Variants in ABLIM1 observed in about 807,000 individuals in gnomAD.
ABLIM1 encodes actin binding LIM protein 1, also known as actin-binding LIM protein 1.
Under a neutral mutation model 107.0 loss-of-function variants are expected in ABLIM1, and 40 were observed. The observed-to-expected ratio is 0.37, with a 90% confidence interval of 0.29 to 0.49. ABLIM1 has a LOEUF of 0.49. Among genes scored for constraint, ABLIM1 ranks in the 20% least tolerant of loss-of-function variants. The probability of loss-of-function intolerance (pLI) is 0.97; values close to 1 mark genes in which losing one functional copy is unlikely to be tolerated. For synonymous variants in ABLIM1, 357 were observed against 357.3 expected (o/e 1.00, Z 0.01); for missense variants, 857 against 1,008.5 (o/e 0.85, Z 2.04).
intron 6 of ABLIM1, among the ~76,000 whole-genome samples, chr10:114,539,718 T>A (rs2066429639): frequency 6.6e-6 from 1 of 152,204 alleles, no homozygotes; most frequent in Admixed American, 6.5e-5. Context: ...CTGGAAAGGA[T>A]GTCTGCTGGA....
At chr10:114,689,563 T>G (rs2081027207), upstream of ABLIM1, among the ~76,000 whole-genome samples, 1 of 152,030 alleles carries the variant, frequency 6.6e-6, no homozygotes, top group Admixed American at 6.6e-5. Context: ...GGTTTCGCCA[T>G]GTTAGCCAGG....
chr10:114,702,369 G>A (rs896171416), intron 1 of ABLIM1, among the ~76,000 whole-genome samples: 4 of 152,046 alleles, frequency 2.6e-5, no homozygotes, highest in Admixed American at 2.6e-4. Flanking sequence ...ATACAAATCT[G>A]GAGAAGATCA....
rs58418721 is a variant in ABLIM1, at chr10:114,434,280, A to AACACACACACACACACAC, written c.*1962_*1979dup. 4 of 138,902 alleles carry AACACACACACACACACAC rather than the reference A, an allele frequency of 2.9e-5. No homozygotes were observed. The highest frequency in any genetic ancestry group is 2.5e-4 in the South Asian group (1 of 3,976). The allele number at this position is 138,902 out of a possible 1,614,324, so 8.6% of individuals were successfully genotyped here. ...ATTTGCTAAACATGTTAGTAGATCC[A>AACACACACACACACACAC]ACACACACACACACACACACACACA... On this transcript the variant is annotated 3_prime_UTR_variant, in exon 23 of 23. Transcript: ENST00000533213.
At chr10:114,645,879 A>G (rs979113846) in intron 1 of ABLIM1, among the ~76,000 whole-genome samples, 10 of 152,216 alleles carry the variant, frequency 6.6e-5, no homozygotes, top group Admixed American at 6.5e-4. Flanking sequence ...TATGACATTT[A>G]CCAAGCTCTA....
intron 6 of ABLIM1, among the ~76,000 whole-genome samples, chr10:114,523,336 T>A (rs949671332): frequency 1.3e-5 from 2 of 152,032 alleles, no homozygotes; most frequent in African/African-American, 2.4e-5. Context: ...ATAACCTGGT[T>A]CAGAGAACCA....
chr10:114,488,084 C>G (rs2058443649), intron 7 of ABLIM1, 68 bp from the exon 8 acceptor site: 2 of 1,519,208 alleles, frequency 1.3e-6, no homozygotes, highest in Non-Finnish European at 1.8e-6. Flanking sequence ...TGAGACAGCA[C>G]TTCTGAGAAT....
rs556394816 is a variant in ABLIM1, at chr10:114,432,442, C to A, written c.*3818G>T. 3 of 152,092 alleles carry A rather than the reference C, an allele frequency of 2.0e-5. No homozygotes were observed. The highest frequency in any genetic ancestry group is 7.2e-5 in the African/African-American group (3 of 41,412). 9.4% of individuals were successfully genotyped at this position (152,092 alleles called of 1,614,324 possible). ...TCCATACACAGGAGGATGCTAAGAC[C>A]CAGTTAGCTTTAAATGGTTTTTAGA... On this transcript the variant is annotated 3_prime_UTR_variant, in exon 23 of 23. Coordinates refer to ENST00000533213, the MANE Select transcript of ABLIM1 (RefSeq NM_002313.7).
intron 1 of ABLIM1, among the ~76,000 whole-genome samples, chr10:114,710,478 C>T (rs1043366748): frequency 1.2e-4 from 19 of 152,274 alleles, no homozygotes; most frequent in Middle Eastern, 3.4e-3. Flanking sequence ...TTCACTACCA[C>T]GAGAACAGTA....
At chr10:114,631,899 T>TA in intron 1 of ABLIM1, 4 of 1,304,250 alleles carry the variant, frequency 3.1e-6, no homozygotes, top group Non-Finnish European at 4.0e-6. Flanking sequence ...TATTTATAAT[T>TA]ACCTTTTTCC....
intron 12 of ABLIM1, among the ~76,000 whole-genome samples, chr10:114,456,590 A>T (rs1447917265): frequency 6.6e-6 from 1 of 152,242 alleles, no homozygotes; most frequent in Non-Finnish European, 1.5e-5. Context: ...TTTTGGTTAT[A>T]ATACACAATC....
At chr10:114,801,276 C>A in the ABLIM1 span, among the ~76,000 whole-genome samples, 1 of 151,992 alleles carries the variant, frequency 6.6e-6, no homozygotes, top group African/African-American at 2.4e-5. Flanking sequence ...AAACCAAGAT[C>A]ATCATAAGGA....
chr10:114,494,569 C>A (rs2135276143), intron 6 of ABLIM1, among the ~76,000 whole-genome samples: 1 of 152,176 alleles, frequency 6.6e-6, no homozygotes, highest in East Asian at 1.9e-4. Flanking sequence ...ACAACAACAA[C>A]AACAAAACCA....
chr10:114,441,199 AT>A (rs939159937), intron 18 of ABLIM1, 122 bp from the exon 19 acceptor site: 1,363 of 971,556 alleles, frequency 1.4e-3, no homozygotes, highest in Non-Finnish European at 1.6e-3. Flanking sequence ...TCAGACCTTC[AT>A]TTTTTTTTTC....
chr10:114,797,634 T>C, the ABLIM1 span, among the ~76,000 whole-genome samples: 1 of 152,180 alleles, frequency 6.6e-6, no homozygotes, highest in African/African-American at 2.4e-5. Flanking sequence ...CCTCTATTGA[T>C]TTCCTCCTTT....
chr10:114,653,327 A>T (rs1451086659), intron 1 of ABLIM1, among the ~76,000 whole-genome samples: 1 of 152,132 alleles, frequency 6.6e-6, no homozygotes, highest in Non-Finnish European at 1.5e-5. Flanking sequence ...GGACTGTTGG[A>T]GGTCAGGAGT....
At chr10:114,793,179 G>A in the ABLIM1 span, among the ~76,000 whole-genome samples, 3 of 152,024 alleles carry the variant, frequency 2.0e-5, no homozygotes, top group Non-Finnish European at 2.9e-5. Flanking sequence ...AAAAAGAAAT[G>A]CAATCCCCAA....
At chr10:114,741,812 ATTGT>A (rs937181219) in intron 1 of ABLIM1, among the ~76,000 whole-genome samples, 2 of 152,178 alleles carry the variant, frequency 1.3e-5, no homozygotes, top group Non-Finnish European at 2.9e-5. Context: ...ACTGACAGAG[ATTGT>A]TTGTTGTTAA....
intron 2 of ABLIM1, among the ~76,000 whole-genome samples, chr10:114,583,484 T>C (rs1250307857): frequency 2.1e-4 from 5 of 24,084 alleles, no homozygotes; most frequent in Non-Finnish European, 4.1e-4. Flanking sequence ...TATATATATA[T>C]ATATATATAT....
intron 4 of ABLIM1, among the ~76,000 whole-genome samples, chr10:114,555,874 T>C (rs2068665899): frequency 6.6e-6 from 1 of 151,978 alleles, no homozygotes; most frequent in East Asian, 1.9e-4. Context: ...CAAAAAACCA[T>C]ATTTGTCATA....
Sources: gnomAD v4.1 joint callset for allele counts (sites outside exome capture counted in the v4.1 genomes callset) on GRCh38, gnomAD v4.1.1 for gene constraint, MANE v1.5 for transcripts, NCBI Gene and HGNC (gene_info 2026-07-23, HGNC 2026-07-21) for gene names.